Variants in CAPZB observed in about 807,000 individuals in gnomAD.
CAPZB encodes F-actin-capping protein subunit beta.
In CAPZB, 2 loss-of-function variants were observed where a neutral mutation model predicts 38.1. The observed-to-expected ratio is 0.05, with a 90% CI of 0.02 to 0.17. CAPZB has a LOEUF of 0.17. Ranked by LOEUF, CAPZB falls within the 10% of genes least tolerant of loss-of-function variation. The pLI is 1.00. For synonymous variants in CAPZB, 107 were observed against 127.4 expected, an observed-to-expected ratio of 0.84 and a Z score of 1.08; for missense variants, 161 against 334.2, an observed-to-expected ratio of 0.48 and a Z score of 4.04.
At chr1:19,432,042 CAAAAAAAAA>C (rs10583269) in intron 1 of CAPZB, among the ~76,000 whole-genome samples, 100 of 122,534 alleles carry the variant, frequency 8.2e-4, no homozygotes, top group Non-Finnish European at 1.1e-3. Flanking sequence ...GATCCTGTCT[CAAAAAAAAA>C]AAAAAAAAAA....
chr1:19,483,797 G>T (rs1353039823), intron 1 of CAPZB, among the ~76,000 whole-genome samples: 1 of 152,166 alleles, frequency 6.6e-6, no homozygotes, highest in Non-Finnish European at 1.5e-5. Flanking sequence ...GGACAAATCC[G>T]AAGGCCTTAA....
chr1:19,439,095 G>A (rs1164975060), intron 1 of CAPZB, among the ~76,000 whole-genome samples: 1 of 152,224 alleles, frequency 6.6e-6, no homozygotes, highest in Non-Finnish European at 1.5e-5. Context: ...AAGCATGGTG[G>A]CACATCCTGG....
chr1:19,383,116 CAAA>C (rs34245294), intron 3 of CAPZB, among the ~76,000 whole-genome samples: 25 of 128,224 alleles, frequency 1.9e-4, no homozygotes, highest in Admixed American at 4.0e-4. Context: ...CCCATCTCTA[CAAA>C]AAAAAAAAAA....
intron 1 of CAPZB, among the ~76,000 whole-genome samples, chr1:19,423,516 C>CTTTTTTT (rs11340496): frequency 8.8e-6 from 1 of 113,270 alleles, no homozygotes; most frequent in Non-Finnish European, 1.7e-5. Flanking sequence ...AGTGAACATT[C>CTTTTTTT]TTTTTTTTTT....
chr1:19,346,557 G>A (rs2093962063), intron 6 of CAPZB, among the ~76,000 whole-genome samples: 1 of 151,872 alleles, frequency 6.6e-6, no homozygotes, highest in African/African-American at 2.4e-5. Context: ...TTGGAACCAG[G>A]AGAACAGGGT....
chr1:19,470,143 C>T (rs931497092), intron 1 of CAPZB, among the ~76,000 whole-genome samples: 3 of 152,200 alleles, frequency 2.0e-5, no homozygotes, highest in East Asian at 1.9e-4. Context: ...TGCTTGAGCC[C>T]GGGAGGTGGA....
chr1:19,427,813 C>G (rs2094428542), intron 1 of CAPZB, among the ~76,000 whole-genome samples: 1 of 152,234 alleles, frequency 6.6e-6, no homozygotes, highest in Non-Finnish European at 1.5e-5. Flanking sequence ...CGACAGAAGT[C>G]CACTTGGCGG....
chr1:19,453,956 T>C (rs541045969), intron 1 of CAPZB, among the ~76,000 whole-genome samples: 103 of 152,330 alleles, frequency 6.8e-4, no homozygotes, highest in South Asian at 1.7e-3. Flanking sequence ...TGGGGCCACT[T>C]GGGACTCACG....
intron 1 of CAPZB, among the ~76,000 whole-genome samples, chr1:19,442,013 A>AC (rs71008162): frequency 3.3e-5 from 5 of 150,392 alleles, no homozygotes; most frequent in South Asian, 2.1e-4. Flanking sequence ...TGTCTCCAAA[A>AC]AAAAAAAAAA....
chr1:19,366,168 C>T (rs1306686314), intron 4 of CAPZB, among the ~76,000 whole-genome samples: 2 of 151,852 alleles, frequency 1.3e-5, no homozygotes, highest in East Asian at 3.9e-4. Flanking sequence ...GGTCTTAGGT[C>T]AGGCATGGTG....
At chr1:19,358,817 G>A (rs1173494408) in intron 4 of CAPZB, among the ~76,000 whole-genome samples, 1 of 152,212 alleles carries the variant, frequency 6.6e-6, no homozygotes, top group South Asian at 2.1e-4. Context: ...GGTGTGGCAG[G>A]TGCATTCTGG....
intron 1 of CAPZB, among the ~76,000 whole-genome samples, chr1:19,428,503 AAACAT>A (rs1346921837): frequency 6.6e-6 from 1 of 152,208 alleles, no homozygotes; most frequent in Non-Finnish European, 1.5e-5. Context: ...ATTACCGTGA[AAACAT>A]AACTGCTTTA....
chr1:19,344,294 CTGGCAGAGCCAGGGTTCAAATCCCT>C (rs1432574427), intron 8 of CAPZB, 39 bp downstream of exon 8: 1 of 1,335,682 alleles, frequency 7.5e-7, no homozygotes. Flanking sequence ...CAGCTAGTAA[CTGGCAGAGCCAGGGTTCAAATCCCT>C]CTGTCTGCTT....
intron 2 of CAPZB, among the ~76,000 whole-genome samples, chr1:19,412,506 ACT>A (rs1231722781): frequency 6.6e-6 from 1 of 152,076 alleles, no homozygotes; most frequent in Non-Finnish European, 1.5e-5. Flanking sequence ...CTGGTCTTAA[ACT>A]CTGGGTTCAA....
chr1:19,401,580 C>T (rs2094303682), intron 2 of CAPZB, among the ~76,000 whole-genome samples: 1 of 152,150 alleles, frequency 6.6e-6, no homozygotes, highest in Non-Finnish European at 1.5e-5. Context: ...GACCACCTAG[C>T]CTGGGAGAAG....
At chr1:19,379,101 T>TTTTTTTTTTTC (rs1553273279) in intron 3 of CAPZB, among the ~76,000 whole-genome samples, 5 of 27,130 alleles carry the variant, frequency 1.8e-4, no homozygotes, top group Admixed American at 5.6e-4. Context: ...TTTTTCTTTC[T>TTTTTTTTTTTC]TTTTTTTTTT....
At chr1:19,343,778 C>T (rs947485326) in intron 8 of CAPZB, among the ~76,000 whole-genome samples, 5 of 152,190 alleles carry the variant, frequency 3.3e-5, no homozygotes, top group East Asian at 1.9e-4. Context: ...GCTGAGGGCA[C>T]GAGGTGGGAA....
chr1:19,376,771 C>T (rs771172345), intron 4 of CAPZB, among the ~76,000 whole-genome samples: 1 of 152,208 alleles, frequency 6.6e-6, no homozygotes, highest in Non-Finnish European at 1.5e-5. Flanking sequence ...GAGGTGCATC[C>T]CTGGTACTCA....
In CAPZB at chr1:19,405,864, A is replaced by T. The variant is rs190861673; in HGVS notation, c.93+13797T>A. Among the ~76,000 whole-genome samples, 1,246 of 152,330 alleles carry T rather than the reference A, an allele frequency of 8.2e-3. 14 individuals are homozygous for T. The highest frequency in any genetic ancestry group is 0.027 in the African/African-American group (1,126 of 41,562). On this transcript the variant is annotated intron_variant, in intron 2 of 8. Coordinates refer to ENST00000264202, the MANE Select transcript of CAPZB (RefSeq NM_004930.5). ...CGCCTGAAGGTTTCAATTACATAAA[A>T]GGCAATGGGCCCATTAGGACCCGAG...
Sources: gnomAD v4.1 joint callset for allele counts (sites outside exome capture counted in the v4.1 genomes callset) on GRCh38, gnomAD v4.1.1 for gene constraint, MANE v1.5 for transcripts, NCBI Gene and HGNC (gene_info 2026-07-23, HGNC 2026-07-21) for gene names.